NFYC: variants seen among roughly 807,000 people sequenced by gnomAD.
NFYC encodes the protein nuclear transcription factor Y subunit gamma, also known as CAAT box DNA-binding protein subunit C.
A neutral mutation model predicts 53.1 loss-of-function variants in NFYC; 25 were observed. That is an observed-to-expected ratio of 0.47 (90% confidence interval 0.34 to 0.66). The LOEUF is 0.66. NFYC is among the 30% of genes least tolerant of loss of function. The pLI is 0.01. For synonymous variants in NFYC, 145 were observed against 152.6 expected (o/e 0.95, Z 0.37); for missense variants, 260 against 422.7 (o/e 0.62, Z 3.38).
rs559017642 is a variant in NFYC, at chr1:40,746,803, C to T, written c.106-731C>T. Reference sequence around the variant, plus strand: ...GTAGTGCTGATCAAAAAAGCCCTTTCCTAAACTATATCCACAGTGAAGTTA... The same window carrying T: ...GTAGTGCTGATCAAAAAAGCCCTTTTCTAAACTATATCCACAGTGAAGTTA... On this transcript the variant is annotated intron_variant, in intron 2 of 9. Coordinates refer to ENST00000447388, the MANE Select transcript of NFYC (RefSeq NM_014223.5). Among the ~76,000 whole-genome samples the T allele has an allele frequency of 7.9e-5, 12 of 152,260 alleles. 1 individual carries two copies. In the South Asian group the frequency reaches 2.1e-3, roughly 26 times the overall value.
intron 1 of NFYC, among the ~76,000 whole-genome samples, chr1:40,706,443 T>A (rs1159470269): frequency 6.6e-6 from 1 of 152,106 alleles, no homozygotes; most frequent in Non-Finnish European, 1.5e-5. Context: ...TTGCTCCTAT[T>A]TCGGGTCCCT....
rs758408694 is a variant in NFYC, at chr1:40,758,104, C to A, written c.388-17C>A. 1.9e-6 allele frequency: 3 copies of A among 1,611,666 alleles called. No individual in the cohort carries two copies. Among genetic ancestry groups the A allele is most frequent in the Admixed American group, 3.3e-5 (2 of 60,016 alleles). On this transcript the variant is annotated splice_polypyrimidine_tract_variant and intron_variant, in intron 5 of 9. Coordinates refer to ENST00000447388, the MANE Select transcript of NFYC (RefSeq NM_014223.5). ...TTGGTTCTTTTCCTCTTACCTGCCT[C>A]TCTTTCCACCCAACAGGAGGAGGTG...
intron 2 of NFYC, among the ~76,000 whole-genome samples, chr1:40,739,497 C>T (rs1645226363): frequency 6.6e-6 from 1 of 152,116 alleles, no homozygotes; most frequent in Non-Finnish European, 1.5e-5. Context: ...TTTAGCAGCA[C>T]CCCTAGCCTC....
chr1:40,692,299 G>C (rs2148386425), intron 1 of NFYC: 1 of 157,268 alleles, frequency 6.4e-6, no homozygotes, highest in African/African-American at 2.4e-5. Context: ...TGCGGCGAGA[G>C]GGCGAGCCTA....
intron 5 of NFYC, 90 bp downstream of exon 5, chr1:40,753,336 A>G: frequency 2.4e-6 from 2 of 828,782 alleles, no homozygotes; most frequent in South Asian, 3.1e-5. Context: ...AGCACAAGTC[A>G]TTTGCTATTC....
chr1:40,692,988 G>A (rs983265000), intron 1 of NFYC, among the ~76,000 whole-genome samples: 4 of 152,180 alleles, frequency 2.6e-5, no homozygotes, highest in African/African-American at 4.8e-5. Context: ...AGCCACATTA[G>A]CAAATATTAG....
intron 1 of NFYC, among the ~76,000 whole-genome samples, chr1:40,737,870 A>C (rs1258495087): frequency 6.6e-6 from 1 of 151,884 alleles, no homozygotes; most frequent in Non-Finnish European, 1.5e-5. Context: ...CAGTGTCTAA[A>C]ACAAAAGAAG....
intron 1 of NFYC, among the ~76,000 whole-genome samples, chr1:40,697,103 TTTC>T (rs1449344378): frequency 6.6e-6 from 1 of 152,240 alleles, no homozygotes; most frequent in African/African-American, 2.4e-5. Context: ...TCTTAACTTG[TTTC>T]TTCTTCTGTA....
At chr1:40,755,104 A>G (rs927115105) in intron 5 of NFYC, among the ~76,000 whole-genome samples, 6 of 151,866 alleles carry the variant, frequency 4.0e-5, no homozygotes, top group South Asian at 2.1e-4. Context: ...TAAAACGCCT[A>G]CTCTCCAAAA....
intron 7 of NFYC, chr1:40,766,279 T>TC (rs1203913934): frequency 1.5e-5 from 4 of 258,240 alleles, no homozygotes; most frequent in Admixed American, 4.9e-5. Context: ...TAAGATAAGC[T>TC]GTGATCATGT....
intron 1 of NFYC, among the ~76,000 whole-genome samples, chr1:40,731,265 C>T (rs2148546364): frequency 6.6e-6 from 1 of 152,268 alleles, no homozygotes; most frequent in Admixed American, 6.5e-5. Context: ...ACCTCCACCT[C>T]CTGGGTTCAA....
intron 6 of NFYC, among the ~76,000 whole-genome samples, chr1:40,760,507 C>T (rs1646483469): frequency 6.6e-6 from 1 of 152,004 alleles, no homozygotes; most frequent in Non-Finnish European, 1.5e-5. Flanking sequence ...GATCACAAAG[C>T]CAGGAGTTCA....
chr1:40,732,303 T>C (rs920318819), intron 1 of NFYC, among the ~76,000 whole-genome samples: 10 of 152,226 alleles, frequency 6.6e-5, no homozygotes, highest in African/African-American at 2.4e-4. Flanking sequence ...CATATTGCAA[T>C]AAAACCTTAG....
intron 1 of NFYC, among the ~76,000 whole-genome samples, chr1:40,714,973 G>A (rs1470786039): frequency 2.0e-5 from 3 of 151,934 alleles, no homozygotes; most frequent in South Asian, 4.1e-4. Context: ...CCAGCTACTC[G>A]GCAGGCTGAG....
chr1:40,764,296 A>G (rs1646708469), intron 7 of NFYC, among the ~76,000 whole-genome samples: 1 of 152,224 alleles, frequency 6.6e-6, no homozygotes, highest in Non-Finnish European at 1.5e-5. Flanking sequence ...CTCTAAAAGT[A>G]TCCTGAGATC....
At chr1:40,733,308 C>G (rs1051717751) in intron 1 of NFYC, among the ~76,000 whole-genome samples, 1 of 151,406 alleles carries the variant, frequency 6.6e-6, no homozygotes, top group African/African-American at 2.4e-5. Flanking sequence ...GGGACCAGTT[C>G]CAGAAAGCAG....
intron 3 of NFYC, among the ~76,000 whole-genome samples, chr1:40,748,815 T>C (rs1307657425): frequency 6.6e-6 from 1 of 152,240 alleles, no homozygotes; most frequent in Non-Finnish European, 1.5e-5. Flanking sequence ...CTGTGAGATT[T>C]GATATAATAA....
chr1:40,704,490 A>G (rs1643598651), intron 1 of NFYC, among the ~76,000 whole-genome samples: 1 of 152,226 alleles, frequency 6.6e-6, no homozygotes, highest in Non-Finnish European at 1.5e-5. Flanking sequence ...TTCTCAGTCC[A>G]CAGTAATGAC....
At chr1:40,755,452 T>G (rs1203291564) in intron 5 of NFYC, among the ~76,000 whole-genome samples, 7 of 152,362 alleles carry the variant, frequency 4.6e-5, no homozygotes, top group African/African-American at 1.7e-4. Flanking sequence ...TCAAAGATAC[T>G]TGAGAGTTTC....
Sources: allele counts gnomAD v4.1 joint callset (sites outside exome capture counted in the v4.1 genomes callset), GRCh38; gene constraint gnomAD v4.1.1; transcripts MANE v1.5; gene names NCBI Gene and HGNC (gene_info 2026-07-23, HGNC 2026-07-21).